STAC3: variants seen among roughly 807,000 people sequenced by gnomAD.
The protein encoded by STAC3 is SH3 and cysteine-rich domain-containing protein 3.
In STAC3, 30 loss-of-function variants were observed where a neutral mutation model predicts 48.5. That is an observed-to-expected ratio of 0.62 (90% CI 0.46 to 0.84). The LOEUF (loss-of-function observed/expected upper bound fraction) is 0.84. STAC3 is among the 40% of genes least tolerant of loss of function. The pLI is 0.00. For missense variants in STAC3, 419 were observed against 462.6 expected (o/e 0.91, Z 0.86); for synonymous variants, 144 against 158.6 (o/e 0.91, Z 0.69).
intron 5 of STAC3, 108 bp from the exon 6 acceptor site, chr12:57,247,009 G>A: frequency 9.2e-7 from 1 of 1,089,892 alleles, no homozygotes; most frequent in Non-Finnish European, 1.4e-6. Context: ...TGTGTGTGTT[G>A]GGTGGCGGTG....
intron 4 of STAC3, 180 bp from the exon 5 acceptor site, chr12:57,248,378 T>C (rs1356593199): frequency 5.4e-5 from 7 of 129,372 alleles, no homozygotes; most frequent in South Asian, 4.1e-4. Flanking sequence ...ATGTCCCCTC[T>C]TTTTTTTTTT....
intron 11 of STAC3, 37 bp downstream of exon 11, chr12:57,244,051 C>A (rs1199233570): frequency 7.4e-6 from 12 of 1,613,682 alleles, no homozygotes; most frequent in Non-Finnish European, 1.0e-5. Context: ...GGCTAGGGAG[C>A]ATTCAGGCCT....
chr12:57,246,360 C>CCCTT (rs1191765101), intron 6 of STAC3, among the ~76,000 whole-genome samples: 8 of 148,808 alleles, frequency 5.4e-5, no homozygotes, highest in Admixed American at 4.1e-4. Flanking sequence ...CTTTTCTTTT[C>CCCTT]CCTTCCTTCC....
chr12:57,244,429 C>CA, intron 9 of STAC3, 63 bp from the exon 10 acceptor site: 1 of 1,613,102 alleles, frequency 6.2e-7, no homozygotes, highest in Non-Finnish European at 8.5e-7. Context: ...CCGGGTCCAG[C>CA]ATCAATAGGC....
chr12:57,249,494 G>C, intron 2 of STAC3, 77 bp downstream of exon 2: 1 of 1,574,086 alleles, frequency 6.4e-7, no homozygotes, highest in Non-Finnish European at 8.7e-7. Context: ...ACACAAATGA[G>C]ATCAATTTAA....
chr12:57,249,373 G>C (rs988371973), intron 2 of STAC3, 65 bp from the exon 3 acceptor site: 24 of 1,523,232 alleles, frequency 1.6e-5, no homozygotes, highest in Admixed American at 1.5e-4. Flanking sequence ...GAGTAGGGGG[G>C]CGCTAGAGCA....
chr12:57,247,422 A>ATTTTTTTTTTTTTTTT (rs1380789337), intron 5 of STAC3, among the ~76,000 whole-genome samples: 13 of 68,396 alleles, frequency 1.9e-4, no homozygotes, highest in African/African-American at 4.3e-4. Context: ...TATTATTATT[A>ATTTTTTTTTTTTTTTT]TTATTATTTT....
At position 57,243,467 on chromosome 12, in the gene STAC3, T is replaced by C; in HGVS notation, c.*345A>G. 2.0e-6 allele frequency: 1 copy of C among 510,800 alleles called. No homozygotes were observed. The allele number at this position is 510,800 out of a possible 1,614,324, so 31.6% of individuals were successfully genotyped here. ...TAAATAACAACTTTTCTAAGTTTTGTCAAAAGTTTAATAAATTCGCAACAT... is the reference window on the plus strand; with the variant it reads ...TAAATAACAACTTTTCTAAGTTTTGCCAAAAGTTTAATAAATTCGCAACAT... On this transcript the variant is annotated 3_prime_UTR_variant, in exon 12 of 12. Transcript: ENST00000332782.
intron 4 of STAC3, chr12:57,248,474 G>A: frequency 1.7e-6 from 1 of 582,178 alleles, no homozygotes; most frequent in Non-Finnish European, 3.1e-6. Context: ...CGCCTCCCGA[G>A]TTTACGCCAT....
At chr12:57,247,748 C>G (rs775868355) in intron 5 of STAC3, among the ~76,000 whole-genome samples, 1 of 152,128 alleles carries the variant, frequency 6.6e-6, no homozygotes, top group Admixed American at 6.5e-5. Context: ...TGAACCTGCC[C>G]AGGGTGCCTG....
Position 57,249,669 on chromosome 12 carries a change from A to C in STAC3, c.-1-32T>G, listed in dbSNP as rs750701102. On this transcript the variant is annotated intron_variant, in intron 1 of 11. Transcript: ENST00000332782. The stretch of plus-strand genomic sequence containing the variant: ...GAGGTTGGACCCCACTATGAAATCT[A>C]ATCCCTTTCATTCTTCTCTCCCTTT... 2.5e-6 allele frequency: 4 copies of C among 1,611,474 alleles called. No individual in the cohort carries two copies. The East Asian group carries it at 8.9e-5, about 36-fold the overall frequency.
chr12:57,250,827 A>AC (rs1336212081), intron 1 of STAC3, among the ~76,000 whole-genome samples, 166 bp downstream of exon 1: 4 of 49,174 alleles, frequency 8.1e-5, no homozygotes, highest in East Asian at 7.0e-4. Flanking sequence ...CCCCACCCCC[A>AC]CCCCCCGCTT....
chr12:57,248,314 CAG>C, intron 4 of STAC3, 116 bp from the exon 5 acceptor site: 2 of 883,346 alleles, frequency 2.3e-6, no homozygotes, highest in Non-Finnish European at 3.8e-6. Context: ...AAAGAAAAAG[CAG>C]AGAAATGAAT....
intron 5 of STAC3, among the ~76,000 whole-genome samples, chr12:57,247,372 T>C (rs1450990568): frequency 6.6e-6 from 1 of 151,906 alleles, no homozygotes; most frequent in Non-Finnish European, 1.5e-5. Flanking sequence ...TTGAGCAAAT[T>C]TGTCAATGAA....
At position 57,244,221 on chromosome 12, in the gene STAC3, T is replaced by A. The variant is rs1202942124; in HGVS notation, c.863A>T (p.Lys288Ile). 2 of 1,614,214 alleles carry A rather than the reference T, an allele frequency of 1.2e-6. No homozygotes were observed. Among genetic ancestry groups the A allele is most frequent in the Admixed American group, 3.3e-5 (2 of 60,028 alleles). The part of the protein sequence containing the change: ...DDSNEEWWRG[K>I]IGEKVGFFPP... ...GAAAAATCCGACCTTCTCCCCGATT[T>A]TCCCCTAGGGAAGATAGTAGGGAGA... The change falls in exon 11 of 12, where the codon AAA becomes ATA. Residue 288 changes from lysine (K) to isoleucine (I), a missense_variant. Transcript: ENST00000332782.
At chr12:57,247,416 ATTATTATTATTATTTTTTTTT>A (rs2037768473) in intron 5 of STAC3, among the ~76,000 whole-genome samples, 1 of 47,990 alleles carries the variant, frequency 2.1e-5, no homozygotes, top group African/African-American at 8.2e-5. Flanking sequence ...TATTATTATT[ATTATTATTATTATTTTTTTTT>A]TTTTTTTTTT....
chr12:57,249,465 C>A, intron 2 of STAC3, 106 bp downstream of exon 2: 4 of 1,524,080 alleles, frequency 2.6e-6, no homozygotes, highest in Non-Finnish European at 3.6e-6. Flanking sequence ...CAGGTGCTGG[C>A]CAGCAAAAAA....
chr12:57,248,697 C>G lies in STAC3; in HGVS notation c.432+9G>C. The G allele has an allele frequency of 2.5e-6, 4 of 1,611,886 alleles. No individual in the cohort carries two copies. Among genetic ancestry groups the G allele is most frequent in the Non-Finnish European group, 3.4e-6 (4 of 1,178,168 alleles). On this transcript the variant is annotated intron_variant, in intron 4 of 11. Coordinates refer to ENST00000332782, the MANE Select transcript of STAC3 (RefSeq NM_145064.3). ...CATGTCCCCTCCTTGCTCTCCACAG[C>G]CTACTCACGATCTTGCCGAAGCATC... is the stretch of plus-strand genomic sequence containing the variant.
chr12:57,245,355 C>A, intron 6 of STAC3, 144 bp from the exon 7 acceptor site: 1 of 722,556 alleles, frequency 1.4e-6, no homozygotes, highest in Non-Finnish European at 2.3e-6. Flanking sequence ...TCTAGTTCAG[C>A]CATCTGCCTA....
Sources: gnomAD v4.1 joint callset for allele counts (sites outside exome capture counted in the v4.1 genomes callset) on GRCh38, gnomAD v4.1.1 for gene constraint, MANE v1.5 for transcripts, NCBI Gene and HGNC (gene_info 2026-07-23, HGNC 2026-07-21) for gene names.